Variants in ADAMTS15 observed in about 807,000 individuals in gnomAD.
ADAMTS15 encodes the protein ADAM metallopeptidase with thrombospondin type 1 motif 15, also known as A disintegrin and metalloproteinase with thrombospondin motifs 15.
In ADAMTS15, 35 loss-of-function variants were observed where a neutral mutation model predicts 79.1. The ratio of observed to expected loss-of-function variants is 0.44; its 90% CI spans 0.34 to 0.59. The LOEUF (loss-of-function observed/expected upper bound fraction) is 0.59, where lower values mean the gene tolerates loss of function less well. Among genes scored for constraint, ADAMTS15 ranks in the 20% least tolerant of loss-of-function variants. The pLI, the probability that ADAMTS15 is intolerant of heterozygous loss-of-function variation, is 0.02. For synonymous variants in ADAMTS15, 616 were observed against 567.3 expected (o/e 1.09, Z -1.22); for missense variants, 1,324 against 1,318.7 (o/e 1.00, Z -0.06).
In ADAMTS15 at chr11:130,449,048, A is replaced by G; in HGVS notation, c.75A>G (p.Val25=). The part of the protein sequence containing the change: ...TAGGSEPERE[V]VVPIRLDPDI... Reference sequence around the variant, plus strand: ...GAGGCTCTGAGCCAGAGCGGGAGGTAGTCGTTCCCATCCGACTGGACCCGG... The same window carrying G: ...GAGGCTCTGAGCCAGAGCGGGAGGTGGTCGTTCCCATCCGACTGGACCCGG... The change falls in exon 1 of 8, where the codon GTA becomes GTG. Residue 25 remains valine, a synonymous_variant. Coordinates refer to ENST00000299164, the MANE Select transcript of ADAMTS15 (RefSeq NM_139055.4). The surrounding 1 kb of genome is among the most constrained non-coding windows in gnomAD (Gnocchi z 7.8). 1 of 1,544,524 alleles carries G rather than the reference A, an allele frequency of 6.5e-7. No homozygotes were observed. Among genetic ancestry groups the G allele is most frequent in the East Asian group, 2.3e-5 (1 of 43,982 alleles).
chr11:130,462,103 G>A lies in ADAMTS15; in HGVS notation c.1107G>A (p.Met369Ile), dbSNP rs779260969. ...TAHELGHVFN[M>I]PHDNVKVCEE... ...ACCCCACAGGCCACGTGTTCAACATGCCCCATGACAATGTGAAAGTCTGTG... is the reference window on the plus strand; with the variant it reads ...ACCCCACAGGCCACGTGTTCAACATACCCCATGACAATGTGAAAGTCTGTG... The change falls in exon 3 of 8, where the codon ATG becomes ATA. Residue 369 changes from methionine (M) to isoleucine (I), a missense_variant. Transcript: ENST00000299164. This position sits in a 1 kb window ranked among gnomAD's most constrained non-coding sequence, Gnocchi z 4.3. The A allele has an allele frequency of 5.6e-6, 9 of 1,613,338 alleles. No homozygotes were observed. Among genetic ancestry groups the A allele is most frequent in the South Asian group, 1.1e-5 (1 of 91,000 alleles).
chr11:130,462,930 C>A lies in ADAMTS15; in HGVS notation c.1542+150C>A. On this transcript the variant is annotated intron_variant, in intron 4 of 7. Transcript: ENST00000299164. The surrounding 1 kb of genome is among the most constrained non-coding windows in gnomAD (Gnocchi z 4.3). ...GTTGCATGGCTGAGCTGTGCCTTCA[C>A]TGCCCTGTATATAGTCCTATCCCCT... 9.3e-7 allele frequency: 1 copy of A among 1,077,592 alleles called. No homozygotes were observed. The highest frequency in any genetic ancestry group is 1.3e-6 in the Non-Finnish European group (1 of 757,338). 66.8% of individuals were successfully genotyped at this position (1,077,592 alleles called of 1,614,324 possible).
intron 5 of ADAMTS15, among the ~76,000 whole-genome samples, chr11:130,470,162 A>ATACATATATATATATG (rs1938405695): frequency 1.8e-5 from 1 of 56,602 alleles, no homozygotes; most frequent in African/African-American, 1.1e-4. Flanking sequence ...GTGTATATAT[A>ATACATATATATATATG]TATATATATA....
intron 1 of ADAMTS15, among the ~76,000 whole-genome samples, chr11:130,452,897 C>G (rs561540861): frequency 6.6e-6 from 1 of 152,028 alleles, no homozygotes; most frequent in Admixed American, 6.6e-5. Flanking sequence ...AGGAGAATCA[C>G]TTGAACCTGG....
intron 5 of ADAMTS15, among the ~76,000 whole-genome samples, chr11:130,470,184 GTGTATATATA>G (rs1938415542): frequency 2.0e-5 from 1 of 50,172 alleles, no homozygotes; most frequent in Non-Finnish European, 3.8e-5. Flanking sequence ...ATATATATGT[GTGTATATATA>G]TATATATATA....
Position 130,462,741 on chromosome 11 carries a change from A to G in ADAMTS15, c.1503A>G (p.Lys501=), listed in dbSNP as rs367635274. The G allele has an allele frequency of 6.8e-5, 109 of 1,604,606 alleles. No individual in the cohort carries two copies. In the Middle Eastern group the frequency reaches 1.2e-3, roughly 17 times the overall value. ...TSCGEGKLCL[K]GACVERHNLN... ...GTGGCGAGGGCAAGCTCTGCCTCAA[A>G]GGGGCCTGCGTGGAGAGACACAACC... The change falls in exon 4 of 8, where the codon AAA becomes AAG. Residue 501 remains lysine, a synonymous_variant. Transcript: ENST00000299164. This position sits in a 1 kb window ranked among gnomAD's most constrained non-coding sequence, Gnocchi z 4.3.
intron 5 of ADAMTS15, among the ~76,000 whole-genome samples, chr11:130,470,450 C>G (rs912410154): frequency 4.6e-5 from 7 of 151,596 alleles, no homozygotes; most frequent in African/African-American, 1.7e-4. Context: ...TCCCTGACCT[C>G]TGGTGATCTG....
At chr11:130,471,492 G>T (rs1462274647) in intron 7 of ADAMTS15, 109 bp downstream of exon 7, 2 of 1,325,840 alleles carry the variant, frequency 1.5e-6, no homozygotes, top group African/African-American at 3.0e-5. Flanking sequence ...GATCCAGCCA[G>T]TACCCTTGCT....
chr11:130,462,333 C>T lies in ADAMTS15; in HGVS notation c.1258+79C>T. On this transcript the variant is annotated intron_variant, in intron 3 of 7. Transcript: ENST00000299164. This position sits in a 1 kb window ranked among gnomAD's most constrained non-coding sequence, Gnocchi z 4.3. ...CTGCCCCTGGTGGAGGTGCTCACTT[C>T]TCCGTCCTCTGTACATTAGGTGTGT... The T allele has an allele frequency of 6.6e-7, 1 of 1,520,364 alleles. No homozygotes were observed. The allele number at this position is 1,520,364 out of a possible 1,614,324, so 94.2% of individuals were successfully genotyped here.
intron 6 of ADAMTS15, 33 bp from the exon 7 acceptor site, chr11:130,471,175 C>G (rs568890988): frequency 5.0e-6 from 8 of 1,586,772 alleles, no homozygotes; most frequent in Non-Finnish European, 6.0e-6. Context: ...CTGCCCTGCT[C>G]TTCCTTCTTT....
rs886112446 is a variant in ADAMTS15 at position 130,471,239 on chromosome 11, C to T, written c.1934C>T (p.Ser645Phe). The T allele has an allele frequency of 1.2e-6, 2 of 1,608,354 alleles. No individual in the cohort carries two copies. The highest frequency in any genetic ancestry group is 1.7e-6 in the Non-Finnish European group (2 of 1,178,120). Residue 645 changes from serine (S) to phenylalanine (F), a missense_variant, in exon 7 of 8, where the codon TCC becomes TTC. Coordinates refer to ENST00000299164, the MANE Select transcript of ADAMTS15 (RefSeq NM_139055.4). ...GACGGCACGCTGTGCTCTCCTGACT[C>T]CACCTCCGTCTGTGTCCAAGGCAAG... The part of the protein sequence containing the change: ...VVDGTLCSPD[S>F]TSVCVQGKCI...
At position 130,473,202 on chromosome 11, in the gene ADAMTS15, C is replaced by A. The variant is rs565061151; in HGVS notation, c.2234C>A (p.Ala745Glu). 6.2e-7 allele frequency: 1 copy of A among 1,613,862 alleles called. No individual in the cohort carries two copies. The highest frequency in any genetic ancestry group is 8.5e-7 in the Non-Finnish European group (1 of 1,180,046). Residue 745 changes from alanine (A) to glutamate (E), a missense_variant, in exon 8 of 8, where the codon GCG becomes GAG. Ala to Glu is a moderately radical substitution (Grantham distance 107). Transcript: ENST00000299164. ...CTCAACGGGCATTTCGTGGTGTCGG[C>A]GGTGGAGCGGGACCTGGTGGTGAAG... Reference protein sequence around the residue: ...YLLNGHFVVSAVERDLVVKGS... With the variant: ...YLLNGHFVVSEVERDLVVKGS...
intron 5 of ADAMTS15, among the ~76,000 whole-genome samples, chr11:130,470,152 G>A (rs2324056): frequency 0.032 from 2,354 of 72,714 alleles, 131 homozygotes; most frequent in African/African-American, 0.084. Context: ...ATATATATAT[G>A]TGTATATATA....
At position 130,449,386 on chromosome 11, in the gene ADAMTS15, C is replaced by T. The variant is rs778284055; in HGVS notation, c.413C>T (p.Pro138Leu). 56 of 1,603,190 alleles carry T rather than the reference C, an allele frequency of 3.5e-5. No individual in the cohort carries two copies. Among genetic ancestry groups the T allele is most frequent in the East Asian group, 6.7e-5 (3 of 44,832 alleles). Residue 138 changes from proline to leucine, a missense_variant, in exon 1 of 8, where the codon CCG (proline) becomes CTG (leucine). Coordinates refer to ENST00000299164, the MANE Select transcript of ADAMTS15 (RefSeq NM_139055.4). The surrounding 1 kb of genome is among the most constrained non-coding windows in gnomAD (Gnocchi z 7.8). ...GYRGAEYVIS[P>L]LPNASAPAAQ... ...CGAGGCGCCGAGTATGTCATTAGCC[C>T]GCTGCCCAATGCTAGCGCGCCGGCG...
rs554717573 is a variant in ADAMTS15, at chr11:130,464,378, A to G, written c.1542+1598A>G. Among the ~76,000 whole-genome samples, 3 of 152,236 alleles carry G rather than the reference A, an allele frequency of 2.0e-5. No individual in the cohort carries two copies. The South Asian group carries it at 6.2e-4, about 32-fold the overall frequency. On this transcript the variant is annotated intron_variant, in intron 4 of 7. Transcript: ENST00000299164. ...TGTTTTAACTGAAACTTTCCAGGAA[A>G]CCTTCATGGAAGTCATTGCCCTCAC... is the stretch of plus-strand genomic sequence containing the variant.
intron 5 of ADAMTS15, among the ~76,000 whole-genome samples, chr11:130,470,165 T>TACAC (rs1191282402): frequency 1.8e-5 from 1 of 55,880 alleles, no homozygotes; most frequent in Non-Finnish European, 3.4e-5. Flanking sequence ...TATATATATA[T>TACAC]ATATATATAT....
intron 1 of ADAMTS15, 61 bp from the exon 2 acceptor site, chr11:130,461,428 A>C: frequency 6.2e-7 from 1 of 1,610,836 alleles, no homozygotes; most frequent in Non-Finnish European, 8.5e-7. Flanking sequence ...TCTTCCCTTC[A>C]GGTCCCTTCT....
rs559231026 is a variant in ADAMTS15 at position 130,451,016 on chromosome 11, G to A, written c.957+1086G>A. ...TCTATGTCAAAGAAGCTACAAATCTGCAAACGTTTAGATTCACAGGTGTTG... is the reference window on the plus strand; with the variant it reads ...TCTATGTCAAAGAAGCTACAAATCTACAAACGTTTAGATTCACAGGTGTTG... On this transcript the variant is annotated intron_variant, in intron 1 of 7. Coordinates refer to ENST00000299164, the MANE Select transcript of ADAMTS15 (RefSeq NM_139055.4). Among the ~76,000 whole-genome samples, 5 of 152,216 alleles carry A rather than the reference G, an allele frequency of 3.3e-5. No homozygotes were observed. The South Asian group carries it at 8.3e-4, about 25-fold the overall frequency.
At chr11:130,454,114 G>A (rs977106402) in intron 1 of ADAMTS15, among the ~76,000 whole-genome samples, 3 of 152,100 alleles carry the variant, frequency 2.0e-5, no homozygotes, top group African/African-American at 7.2e-5. Context: ...CACTGCGCCT[G>A]GTCTATTTTG....
Sources: gnomAD v4.1 joint callset for allele counts (sites outside exome capture counted in the v4.1 genomes callset) on GRCh38, gnomAD v4.1.1 for gene constraint, Gnocchi (gnomAD v3.1) non-coding constraint, MANE v1.5 for transcripts, NCBI Gene and HGNC (gene_info 2026-07-23, HGNC 2026-07-21) for gene names.